The following ASIC2 variants were observed in gnomAD, a reference collection of about 807,000 sequenced individuals.
The protein encoded by ASIC2 is acid-sensing ion channel 2.
A neutral mutation model predicts 57.3 loss-of-function variants in ASIC2; 25 were observed. The ratio of observed to expected loss-of-function variants is 0.44; its 90% CI spans 0.32 to 0.61. The LOEUF (loss-of-function observed/expected upper bound fraction) is 0.61, where lower values mean the gene tolerates loss of function less well. Ranked by LOEUF, ASIC2 falls within the 20% of genes least tolerant of loss-of-function variation. The pLI is 0.06. For synonymous variants in ASIC2, 319 were observed against 307.5 expected, an observed-to-expected ratio of 1.04 and a Z score of -0.39; for missense variants, 641 against 738.1, an observed-to-expected ratio of 0.87 and a Z score of 1.52.
intron 1 of ASIC2, among the ~76,000 whole-genome samples, chr17:34,084,302 A>G (rs979316670): frequency 6.6e-6 from 1 of 152,146 alleles, no homozygotes; most frequent in Admixed American, 6.5e-5. Context: ...TAAATAGGGA[A>G]TCCTTTCCCC....
intron 1 of ASIC2, among the ~76,000 whole-genome samples, chr17:33,561,881 G>A (rs1464596949): frequency 1.3e-5 from 2 of 152,210 alleles, no homozygotes; most frequent in African/African-American, 2.4e-5. Context: ...AGTGATTGAC[G>A]TTTTTCTACC....
chr17:33,459,887 T>G (rs888716265), intron 1 of ASIC2, among the ~76,000 whole-genome samples: 2 of 152,178 alleles, frequency 1.3e-5, no homozygotes, highest in African/African-American at 4.8e-5. Flanking sequence ...GCGCCTCTTC[T>G]TTAGAGTGTT....
At chr17:33,270,534 C>A (rs1203517567) in intron 1 of ASIC2, among the ~76,000 whole-genome samples, 3 of 152,212 alleles carry the variant, frequency 2.0e-5, no homozygotes, top group Admixed American at 2.0e-4. Flanking sequence ...GTGAGCTGTT[C>A]TGGGCCTGAG....
At chr17:33,089,135 C>T (rs775498382) in intron 2 of ASIC2, 145 bp from the exon 3 acceptor site, 1 of 1,132,960 alleles carries the variant, frequency 8.8e-7, no homozygotes, top group Non-Finnish European at 1.2e-6. Context: ...TCCCCACCTC[C>T]AGAAACTGTG....
At chr17:33,523,440 G>A (rs983414500) in intron 1 of ASIC2, among the ~76,000 whole-genome samples, 1 of 152,112 alleles carries the variant, frequency 6.6e-6, no homozygotes, top group Non-Finnish European at 1.5e-5. Context: ...TGTATTTATA[G>A]TAGAGATGGA....
intron 1 of ASIC2, among the ~76,000 whole-genome samples, chr17:33,689,470 A>G (rs1266624881): frequency 6.6e-6 from 1 of 152,188 alleles, no homozygotes. Context: ...AATGTCTCAG[A>G]GACTTAGACT....
At chr17:33,551,388 G>T (rs936056729) in intron 1 of ASIC2, among the ~76,000 whole-genome samples, 3 of 152,132 alleles carry the variant, frequency 2.0e-5, no homozygotes, top group African/African-American at 7.2e-5. Context: ...GGAATGATGA[G>T]GGCATGGGCC....
chr17:33,559,311 C>G (rs188241421), intron 1 of ASIC2, among the ~76,000 whole-genome samples: 1 of 152,320 alleles, frequency 6.6e-6, no homozygotes, highest in African/African-American at 2.4e-5. Context: ...CAGCTCCCCA[C>G]TTTATCATGG....
intron 1 of ASIC2, among the ~76,000 whole-genome samples, chr17:33,493,985 T>C (rs1386774086): frequency 6.6e-6 from 1 of 152,242 alleles, no homozygotes; most frequent in East Asian, 1.9e-4. Flanking sequence ...GGTGGGAGAC[T>C]CTTACAGCCA....
chr17:33,502,022 T>C (rs1914114423), intron 1 of ASIC2, among the ~76,000 whole-genome samples: 1 of 151,820 alleles, frequency 6.6e-6, no homozygotes, highest in South Asian at 2.1e-4. Flanking sequence ...CGCATAAGAG[T>C]GCCAGGCCAG....
rs556641749 is a variant in ASIC2 at position 33,389,483 on chromosome 17, G to A, written c.556-277416C>T. On this transcript the variant is annotated intron_variant, in intron 1 of 9. Transcript: ENST00000359872. ...CTGTTAGTGGATTCTAGGCTCAAAGGGAAATCTCATCAAATATGAAATATT... is the reference window on the plus strand; with the variant it reads ...CTGTTAGTGGATTCTAGGCTCAAAGAGAAATCTCATCAAATATGAAATATT... Among the ~76,000 whole-genome samples, 3 of 152,290 alleles carry A rather than the reference G, an allele frequency of 2.0e-5. No homozygotes were observed. The South Asian group carries it at 6.2e-4, about 32-fold the overall frequency.
At chr17:33,464,534 TTCTTTC>T (rs199602868) in intron 1 of ASIC2, among the ~76,000 whole-genome samples, 3,084 of 41,138 alleles carry the variant, frequency 0.075, 62 homozygotes, top group Middle Eastern at 0.15. Flanking sequence ...CTTTCTTTCT[TTCTTTC>T]TCTTTCTTTC....
chr17:33,996,654 A>T (rs1468663015), intron 1 of ASIC2, among the ~76,000 whole-genome samples: 1 of 152,232 alleles, frequency 6.6e-6, no homozygotes, highest in African/African-American at 2.4e-5. Flanking sequence ...TCTGACAAAA[A>T]TTAATTGATA....
rs538315497 is a variant in ASIC2 at position 33,363,763 on chromosome 17, G to T, written c.556-251696C>A. ...AGCAGTGGTGGCTACTCTCTAAGGT[G>T]ATCTATGGCTCCACACACGTCAGAA... On this transcript the variant is annotated intron_variant, in intron 1 of 9. Coordinates refer to the ASIC2 transcript ENST00000359872. Among the ~76,000 whole-genome samples the T allele has an allele frequency of 1.6e-4, 24 of 152,300 alleles. 1 individual carries two copies. Among genetic ancestry groups the T allele is most frequent in the African/African-American group, 5.8e-4 (24 of 41,568 alleles).
At position 33,324,149 on chromosome 17, in the gene ASIC2, T is replaced by C. The variant is rs180937909; in HGVS notation, c.556-212082A>G. Among the ~76,000 whole-genome samples, 172 of 152,226 alleles carry C rather than the reference T, an allele frequency of 1.1e-3. 2 individuals are homozygous for C. In the East Asian group the frequency reaches 0.023, roughly 21 times the overall value. On this transcript the variant is annotated intron_variant, in intron 1 of 9. Coordinates refer to the ASIC2 transcript ENST00000359872. Reference sequence around the variant, plus strand: ...TGTTAACCATCTCTCACAGAGAAAATTGGGGGCTCCTGAGAGGTTTGGTGC... The same window carrying C: ...TGTTAACCATCTCTCACAGAGAAAACTGGGGGCTCCTGAGAGGTTTGGTGC...
intron 1 of ASIC2, among the ~76,000 whole-genome samples, chr17:33,489,294 A>C (rs2141932779): frequency 6.6e-6 from 1 of 152,330 alleles, no homozygotes; most frequent in Non-Finnish European, 1.5e-5. Flanking sequence ...ATGCTCATGA[A>C]AACCCAAAGG....
chr17:34,068,106 A>C (rs1220697181), intron 1 of ASIC2, among the ~76,000 whole-genome samples: 1 of 152,236 alleles, frequency 6.6e-6, no homozygotes, highest in Non-Finnish European at 1.5e-5. Context: ...AAAAGAGGTT[A>C]CAGTGTTCTG....
chr17:33,923,058 G>A (rs1182815465), intron 1 of ASIC2, among the ~76,000 whole-genome samples: 1 of 152,168 alleles, frequency 6.6e-6, no homozygotes, highest in African/African-American at 2.4e-5. Flanking sequence ...GACCACAGCA[G>A]CTTACCCAGC....
At chr17:33,511,833 C>A (rs1354137168) in intron 1 of ASIC2, among the ~76,000 whole-genome samples, 2 of 152,176 alleles carry the variant, frequency 1.3e-5, no homozygotes, top group Admixed American at 6.5e-5. Flanking sequence ...GATGTGGGTG[C>A]TCTGTATATA....
Sources: gnomAD v4.1 joint callset for allele counts (sites outside exome capture counted in the v4.1 genomes callset) on GRCh38, gnomAD v4.1.1 for gene constraint, MANE v1.5 for transcripts, NCBI Gene and HGNC (gene_info 2026-07-23, HGNC 2026-07-21) for gene names.